FAT3: variants seen among roughly 807,000 people sequenced by gnomAD.
FAT3 encodes the protein FAT atypical cadherin 3.
Under a neutral mutation model 310.2 loss-of-function variants are expected in FAT3, and 95 were observed. The observed-to-expected ratio is 0.31, with a 90% CI of 0.26 to 0.36. The LOEUF (loss-of-function observed/expected upper bound fraction) is 0.36. Among genes scored for constraint, FAT3 ranks in the 10% least tolerant of loss-of-function variants. FAT3 has a pLI of 1.00. For missense variants in FAT3, 5,408 were observed against 5,715.6 expected (o/e 0.95, Z 1.74); for synonymous variants, 2,314 against 2,192.9 (o/e 1.06, Z -1.54).
chr11:92,682,469 C>T (rs1400842932), intron 3 of FAT3, among the ~76,000 whole-genome samples: 2 of 152,184 alleles, frequency 1.3e-5, no homozygotes, highest in African/African-American at 2.4e-5. Flanking sequence ...AGTCACTGCT[C>T]CTAGCTGGGC....
rs1205384123 is a variant in FAT3 at position 92,779,011 on chromosome 11, G to C, written c.4335+4831G>C. Among the ~76,000 whole-genome samples, 3 of 152,132 alleles carry C rather than the reference G, an allele frequency of 2.0e-5. No individual in the cohort carries two copies. In the East Asian group the frequency reaches 5.8e-4, roughly 29 times the overall value. On this transcript the variant is annotated intron_variant, in intron 7 of 27. Coordinates refer to ENST00000525166, the MANE Select transcript of FAT3 (RefSeq NM_001367949.2). Reference sequence around the variant, plus strand: ...AAGTGTTCCTCATGTTAATGTCTTAGAAGCTCAGAGATGAGTGAGGATGTC... The same window carrying C: ...AAGTGTTCCTCATGTTAATGTCTTACAAGCTCAGAGATGAGTGAGGATGTC...
At chr11:92,863,731 A>C (rs1021789797) in intron 21 of FAT3, among the ~76,000 whole-genome samples, 2 of 152,248 alleles carry the variant, frequency 1.3e-5, no homozygotes, top group Admixed American at 1.3e-4. Context: ...AACTAGGTGA[A>C]CCCAACTCTG....
At chr11:92,240,239 A>G (rs551589235) in intron 1 of FAT3, among the ~76,000 whole-genome samples, 2 of 152,118 alleles carry the variant, frequency 1.3e-5, no homozygotes, top group East Asian at 3.9e-4. Context: ...TTTGAATTTG[A>G]TGTATAAGAC....
intron 2 of FAT3, among the ~76,000 whole-genome samples, chr11:92,411,101 T>A (rs1360921915): frequency 3.6e-5 from 2 of 55,650 alleles, no homozygotes; most frequent in Non-Finnish European, 7.8e-5. Flanking sequence ...TTATATATAT[T>A]ATATATAAAA....
intron 4 of FAT3, among the ~76,000 whole-genome samples, chr11:92,725,648 A>T (rs1591651868): frequency 6.6e-6 from 1 of 152,192 alleles, no homozygotes; most frequent in Non-Finnish European, 1.5e-5. Flanking sequence ...TTAAATGACC[A>T]TTTGCTTTCT....
At chr11:92,634,805 G>T (rs1206101674) in intron 3 of FAT3, among the ~76,000 whole-genome samples, 1 of 152,228 alleles carries the variant, frequency 6.6e-6, no homozygotes, top group Non-Finnish European at 1.5e-5. Context: ...CGAGCCCCCA[G>T]TGTGGCTGTA....
chr11:92,502,344 T>C (rs1024701800), intron 2 of FAT3, among the ~76,000 whole-genome samples: 3 of 152,076 alleles, frequency 2.0e-5, no homozygotes, highest in Admixed American at 6.6e-5. Context: ...GTGTGGGTTT[T>C]AGATGAACCA....
At position 92,799,798 on chromosome 11, in the gene FAT3, A is replaced by G. The variant is rs1410119796; in HGVS notation, c.6785A>G (p.Asp2262Gly). The change falls in exon 10 of 28, where the codon GAC becomes GGC. Residue 2262 changes from aspartate to glycine, a missense_variant. Physicochemically the swap from Asp to Gly is moderately conservative, Grantham distance 94 (BLOSUM62 -1). Around this residue, in one of 5 missense-constraint regions of FAT3, gnomAD observed 4,588 missense variants for 4,809.8 expected, o/e 0.95. Coordinates refer to ENST00000525166, the MANE Select transcript of FAT3 (RefSeq NM_001367949.2). ...SAYKLTIRAS[D>G]ALTGARAEVT... The stretch of plus-strand genomic sequence containing the variant: ...TACAAGCTGACAATAAGAGCCAGCG[A>G]CGCCCTTACTGGTGCTAGGGCTGAA... The G allele has an allele frequency of 1.2e-6, 2 of 1,613,118 alleles. No homozygotes were observed. The highest frequency in any genetic ancestry group is 2.2e-5 in the East Asian group (1 of 44,800).
At chr11:92,325,200 A>G (rs1947731883) in intron 1 of FAT3, among the ~76,000 whole-genome samples, 1 of 152,190 alleles carries the variant, frequency 6.6e-6, no homozygotes, top group African/African-American at 2.4e-5. Context: ...GCCAGCCTTG[A>G]CAGCTCCAAA....
intron 2 of FAT3, among the ~76,000 whole-genome samples, chr11:92,416,291 G>A (rs1406184857): frequency 6.6e-6 from 1 of 151,110 alleles, no homozygotes; most frequent in East Asian, 1.9e-4. Flanking sequence ...GGCTGAGGCA[G>A]GAGAATCACC....
At chr11:92,713,777 C>A (rs1457535877) in intron 4 of FAT3, among the ~76,000 whole-genome samples, 2 of 152,140 alleles carry the variant, frequency 1.3e-5, no homozygotes, top group African/African-American at 4.8e-5. Context: ...CCAGTTGAAT[C>A]AAAAACATAA....
intron 22 of FAT3, among the ~76,000 whole-genome samples, chr11:92,869,377 C>T (rs1949330055): frequency 6.6e-6 from 1 of 152,108 alleles, no homozygotes; most frequent in Admixed American, 6.5e-5. Flanking sequence ...AGTGCTGGGC[C>T]CAAGGCTAGC....
chr11:92,758,273 TA>T (rs1347605860), intron 4 of FAT3, among the ~76,000 whole-genome samples: 1 of 152,150 alleles, frequency 6.6e-6, no homozygotes, highest in African/African-American at 2.4e-5. Context: ...AATAGACACT[TA>T]AAATGCAGGA....
At chr11:92,372,255 A>G (rs1211712335) in intron 2 of FAT3, among the ~76,000 whole-genome samples, 1 of 151,952 alleles carries the variant, frequency 6.6e-6, no homozygotes, top group Non-Finnish European at 1.5e-5. Flanking sequence ...TCTTTTATCA[A>G]TGAGTACTGG....
Position 92,352,219 on chromosome 11 carries a change from C to G in FAT3, c.107C>G (p.Thr36Ser). The change falls in exon 2 of 28, where the codon ACT becomes AGT. Residue 36 changes from threonine (T) to serine (S), a missense_variant. Transcript: ENST00000525166. ...ACTGTCTCCCAGGGGCTGCCAGGGA[C>G]TGGACCCCTGGGCTTCCACTTCACA... ...LATVSQGLPG[T>S]GPLGFHFTHS... 7.2e-7 allele frequency: 1 copy of G among 1,382,804 alleles called. No homozygotes were observed. The highest frequency in any genetic ancestry group is 1.5e-5 in the African/African-American group (1 of 68,604). The allele number at this position is 1,382,804 out of a possible 1,614,324, so 85.7% of individuals were successfully genotyped here. A position where few individuals can be genotyped will look rare whatever the true frequency, so the allele number is the denominator to read the frequency against.
chr11:92,614,988 T>C (rs1940733115), intron 3 of FAT3, among the ~76,000 whole-genome samples: 1 of 152,226 alleles, frequency 6.6e-6, no homozygotes, highest in African/African-American at 2.4e-5. Context: ...TGCTGAATTG[T>C]CTTAGCACCT....
At chr11:92,733,339 A>C (rs1326973241) in intron 4 of FAT3, among the ~76,000 whole-genome samples, 3 of 151,880 alleles carry the variant, frequency 2.0e-5, no homozygotes, top group African/African-American at 7.3e-5. Flanking sequence ...AAAGTTTAGG[A>C]AATCAATTTG....
intron 3 of FAT3, among the ~76,000 whole-genome samples, chr11:92,539,084 G>A (rs771035002): frequency 1.5e-4 from 23 of 152,024 alleles, no homozygotes; most frequent in Admixed American, 6.6e-5. Context: ...ATTTTATAAA[G>A]ACATGCTTCA....
At chr11:92,561,903 G>A (rs894831232) in intron 3 of FAT3, among the ~76,000 whole-genome samples, 1 of 152,234 alleles carries the variant, frequency 6.6e-6, no homozygotes, top group South Asian at 2.1e-4. Flanking sequence ...TGGGATTACA[G>A]GCGTGAACCA....
Sources: gnomAD v4.1 joint callset for allele counts (sites outside exome capture counted in the v4.1 genomes callset) on GRCh38, gnomAD v4.1.1 for gene constraint, gnomAD v4.1.1 regional missense constraint, MANE v1.5 for transcripts, NCBI Gene and HGNC (gene_info 2026-07-23, HGNC 2026-07-21) for gene names.